STAB2: variants seen among roughly 807,000 people sequenced by gnomAD.
STAB2 encodes stabilin-2.
Under a neutral mutation model 338.1 loss-of-function variants are expected in STAB2, and 288 were observed. The ratio of observed to expected loss-of-function variants is 0.85; its 90% CI spans 0.77 to 0.94. STAB2 has a LOEUF of 0.94. STAB2 is among the 40% of genes least tolerant of loss of function. STAB2 has a pLI of 0.00. For synonymous variants in STAB2, 1,202 were observed against 1,193.3 expected (o/e 1.01, Z -0.15); for missense variants, 3,141 against 3,210.1 (o/e 0.98, Z 0.52).
intron 56 of STAB2, among the ~76,000 whole-genome samples, chr12:103,743,855 G>A (rs927327628): frequency 1.3e-5 from 2 of 152,304 alleles, no homozygotes; most frequent in South Asian, 4.2e-4. Context: ...AGGAGGAAGA[G>A]AGGAAGAGAA....
rs73394059 is a variant in STAB2 at position 103,617,204 on chromosome 12, C to T, written c.332-3264C>T. ...ATCCCAGTCCATCAATCAGTATTACCGGAGTGTCTGTTAAATCCACAACTC... is the reference window on the plus strand; with the variant it reads ...ATCCCAGTCCATCAATCAGTATTACTGGAGTGTCTGTTAAATCCACAACTC... On this transcript the variant is annotated intron_variant, in intron 3 of 68. Coordinates refer to ENST00000388887, the MANE Select transcript of STAB2 (RefSeq NM_017564.10). Among the ~76,000 whole-genome samples the T allele has an allele frequency of 7.3e-3, 1,113 of 152,226 alleles. 7 individuals are homozygous for T. Among genetic ancestry groups the T allele is most frequent in the African/African-American group, 0.025 (1,041 of 41,528 alleles).
chr12:103,608,178 G>A (rs927987392), intron 3 of STAB2, among the ~76,000 whole-genome samples: 32 of 152,262 alleles, frequency 2.1e-4, no homozygotes, highest in South Asian at 4.1e-4. Flanking sequence ...TCGCTCTGTC[G>A]CCCAGGCTGG....
chr12:103,710,508 A>G (rs978830383), intron 39 of STAB2, among the ~76,000 whole-genome samples: 12 of 152,354 alleles, frequency 7.9e-5, no homozygotes, highest in Non-Finnish European at 7.3e-5. Context: ...GTGACCAGCC[A>G]GGGGCACCCA....
chr12:103,745,421 T>G, intron 57 of STAB2, 144 bp downstream of exon 57: 3 of 673,406 alleles, frequency 4.5e-6, no homozygotes, highest in Non-Finnish European at 4.8e-6. Flanking sequence ...TTCAGATCTG[T>G]AGCCCCGGGC....
intron 1 of STAB2, among the ~76,000 whole-genome samples, chr12:103,589,194 G>A (rs1031831669): frequency 3.3e-5 from 5 of 152,126 alleles, no homozygotes; most frequent in African/African-American, 1.2e-4. Flanking sequence ...TTTTTATGCA[G>A]GCTTTATATA....
In STAB2 at chr12:103,706,917, T is replaced by TG. The variant is rs772249375; in HGVS notation, c.4126dup (p.Glu1376GlyfsTer21). ...TGAATGGCACAGGTGTGTGTGAGTG[T>TG]GGGGAGGGCTTCAGCGGCACAGCCT... On this transcript the variant is annotated frameshift_variant, in exon 38 of 69. Transcript: ENST00000388887. LOFTEE classifies it high-confidence loss of function. The TG allele has an allele frequency of 3.1e-6, 5 of 1,614,046 alleles. No individual in the cohort carries two copies. The African/African-American group carries it at 6.7e-5, about 22-fold the overall frequency.
At chr12:103,688,714 T>C (rs889152073) in intron 28 of STAB2, among the ~76,000 whole-genome samples, 4 of 152,198 alleles carry the variant, frequency 2.6e-5, no homozygotes, top group African/African-American at 9.7e-5. Flanking sequence ...AGCTTCCTGT[T>C]GCTTCTGTAT....
intron 38 of STAB2, among the ~76,000 whole-genome samples, chr12:103,707,841 G>T (rs1332031128): frequency 6.6e-6 from 1 of 152,228 alleles, no homozygotes; most frequent in African/African-American, 2.4e-5. Context: ...TGGAATTACA[G>T]TGTTGATTTT....
chr12:103,606,894 G>A (rs1957036736), intron 3 of STAB2, among the ~76,000 whole-genome samples: 1 of 152,170 alleles, frequency 6.6e-6, no homozygotes, highest in African/African-American at 2.4e-5. Context: ...TGAGGCAGCA[G>A]AATTGCTTGA....
In STAB2 at chr12:103,762,312, T is replaced by A. The variant is rs144490016; in HGVS notation, c.7398T>A (p.Phe2466Leu). 4.3e-6 allele frequency: 7 copies of A among 1,614,122 alleles called. No homozygotes were observed. In the African/African-American group the frequency reaches 9.3e-5, roughly 22 times the overall value. ...THTGLGAGIF[F>L]AIILVTGAVA... The stretch of plus-strand genomic sequence containing the variant: ...CTGGCTTGGGAGCAGGGATCTTCTT[T>A]GCCATCATCCTGGTGACTGGGGCTG... The change falls in exon 67 of 69, where the codon TTT becomes TTA. Residue 2466 changes from phenylalanine (F) to leucine (L), a missense_variant. By Grantham distance (22) the Phe-to-Leu change is conservative. Transcript: ENST00000388887.
chr12:103,695,899 A>G, intron 33 of STAB2, 55 bp downstream of exon 33: 2 of 1,530,714 alleles, frequency 1.3e-6, no homozygotes, highest in Admixed American at 1.7e-5. Context: ...TCAAACACTC[A>G]GTGTTTGTAA....
At position 103,655,507 on chromosome 12, in the gene STAB2, A is replaced by T; in HGVS notation, c.1660A>T (p.Thr554Ser). The stretch of plus-strand genomic sequence containing the variant: ...TGAGGATGGAGTTGGTGGACCATAC[A>T]CCATTTTTGTTCCAAATAATGAAGC... ...LDEDGVGGPYTIFVPNNEALN... is the reference protein window; with the variant it reads ...LDEDGVGGPYSIFVPNNEALN... The change falls in exon 15 of 69, where the codon ACC (threonine) becomes TCC (serine). Residue 554 changes from threonine to serine, a missense_variant. Transcript: ENST00000388887. The T allele has an allele frequency of 6.2e-7, 1 of 1,613,942 alleles. No individual in the cohort carries two copies.
intron 60 of STAB2, among the ~76,000 whole-genome samples, chr12:103,752,912 A>C (rs1029823374): frequency 1.3e-5 from 2 of 152,252 alleles, no homozygotes; most frequent in African/African-American, 4.8e-5. Context: ...AAATTCTAGA[A>C]GGAAATGCAC....
chr12:103,673,855 G>T, intron 22 of STAB2, 52 bp from the exon 23 acceptor site: 1 of 1,571,598 alleles, frequency 6.4e-7, no homozygotes. Context: ...CTGCCTCAGT[G>T]CTTGGCTTGT....
intron 19 of STAB2, among the ~76,000 whole-genome samples, chr12:103,666,585 T>A (rs1875127566): frequency 6.6e-6 from 1 of 152,232 alleles, no homozygotes; most frequent in South Asian, 2.1e-4. Flanking sequence ...TGTTTCTTCA[T>A]CTGTAAATGA....
intron 33 of STAB2, among the ~76,000 whole-genome samples, chr12:103,696,898 G>A (rs1410606189): frequency 6.6e-6 from 1 of 152,182 alleles, no homozygotes; most frequent in Non-Finnish European, 1.5e-5. Flanking sequence ...GGGGAGGATT[G>A]TATATGGGAG....
chr12:103,660,899 T>C, intron 17 of STAB2, 136 bp downstream of exon 17: 1 of 958,880 alleles, frequency 1.0e-6, no homozygotes, highest in Admixed American at 2.0e-5. Flanking sequence ...ATTTGCTCAC[T>C]TCTCTCAGCA....
intron 12 of STAB2, among the ~76,000 whole-genome samples, chr12:103,653,636 ATG>A: frequency 1.3e-5 from 2 of 149,068 alleles, no homozygotes; most frequent in South Asian, 2.2e-4. Flanking sequence ...GGATGGATGG[ATG>A]GATACATGGA....
At chr12:103,673,510 G>C (rs904697612) in intron 22 of STAB2, among the ~76,000 whole-genome samples, 1 of 151,820 alleles carries the variant, frequency 6.6e-6, no homozygotes, top group Middle Eastern at 3.2e-3. Context: ...CATCATGCCC[G>C]GCTAATTTTT....
Sources: gnomAD v4.1 joint callset for allele counts (sites outside exome capture counted in the v4.1 genomes callset) on GRCh38, gnomAD v4.1.1 for gene constraint, MANE v1.5 for transcripts, NCBI Gene and HGNC (gene_info 2026-07-23, HGNC 2026-07-21) for gene names.